Variants in FAT3 observed in about 807,000 individuals in gnomAD.
FAT3 encodes the protein protocadherin Fat 3.
Under a neutral mutation model 310.2 loss-of-function variants are expected in FAT3, and 95 were observed. The observed-to-expected ratio is 0.31, with a 90% CI of 0.26 to 0.36. The LOEUF (loss-of-function observed/expected upper bound fraction) is 0.36, where lower values mean the gene tolerates loss of function less well. Ranked by LOEUF, FAT3 falls within the 10% of genes least tolerant of loss-of-function variation. The probability of loss-of-function intolerance (pLI) is 1.00; values close to 1 mark genes in which losing one functional copy is unlikely to be tolerated. For synonymous variants in FAT3, 2,314 were observed against 2,192.9 expected (o/e 1.06, Z -1.54); for missense variants, 5,408 against 5,715.6 (o/e 0.95, Z 1.74).
chr11:92,651,804 T>C (rs1470183532), intron 3 of FAT3, among the ~76,000 whole-genome samples: 1 of 152,198 alleles, frequency 6.6e-6, no homozygotes, highest in Non-Finnish European at 1.5e-5. Flanking sequence ...TGTTAGACCA[T>C]GCCAAAGCTA....
At chr11:92,334,412 T>C (rs749158042) in intron 1 of FAT3, among the ~76,000 whole-genome samples, 4 of 152,116 alleles carry the variant, frequency 2.6e-5, no homozygotes, top group Non-Finnish European at 4.4e-5. Flanking sequence ...ATTTGGTAGA[T>C]CTTTAAAAGT....
At chr11:92,590,362 C>A (rs1490890685) in intron 3 of FAT3, among the ~76,000 whole-genome samples, 1 of 152,006 alleles carries the variant, frequency 6.6e-6, no homozygotes, top group Non-Finnish European at 1.5e-5. Context: ...AAGGGCTGAG[C>A]TACAGAGATG....
intron 2 of FAT3, among the ~76,000 whole-genome samples, chr11:92,472,786 A>G (rs2135156440): frequency 6.6e-6 from 1 of 152,280 alleles, no homozygotes; most frequent in South Asian, 2.1e-4. Context: ...TATCCAGCTT[A>G]TTAGTATCCT....
At chr11:92,890,253 G>A (rs566057926) in intron 27 of FAT3, among the ~76,000 whole-genome samples, 19 of 152,290 alleles carry the variant, frequency 1.2e-4, no homozygotes, top group African/African-American at 4.6e-4. Flanking sequence ...CTCGCTCTTC[G>A]TCTCATGGCA....
At chr11:92,580,269 A>G (rs542728494) in intron 3 of FAT3, among the ~76,000 whole-genome samples, 85 of 152,184 alleles carry the variant, frequency 5.6e-4, no homozygotes, top group African/African-American at 1.9e-3. Context: ...AGATGCCTCA[A>G]TATATCCTGG....
chr11:92,683,364 AAGGTCTCCTG>A lies in FAT3; in HGVS notation c.3608-14015_3608-14006del, dbSNP rs1458024334. On this transcript the variant is annotated intron_variant, in intron 3 of 27. Transcript: ENST00000525166. ...AAAACAAAATTCTAGGGTTTCCCCT[AAGGTCTCCTG>A]AGGTAACTTGGGGTTGGGACCAGGG... Among the ~76,000 whole-genome samples the A allele has an allele frequency of 2.0e-5, 3 of 152,316 alleles. No individual in the cohort carries two copies. In the East Asian group the frequency reaches 5.8e-4, roughly 29 times the overall value.
At position 92,551,414 on chromosome 11, in the gene FAT3, T is replaced by TTTTGTGTGTGTG. The variant is rs139398937; in HGVS notation, c.3607+26467_3607+26468insTTGTGTGTGTGT. Among the ~76,000 whole-genome samples the TTTTGTGTGTGTG allele has an allele frequency of 6.4e-3, 831 of 128,958 alleles. 10 individuals carry two copies. Among genetic ancestry groups the TTTTGTGTGTGTG allele is most frequent in the African/African-American group, 0.021 (733 of 34,664 alleles). The allele number at this position is 128,958 out of a possible 152,430, so 84.6% of individuals were successfully genotyped here. A position where few individuals can be genotyped will look rare whatever the true frequency, so the allele number is the denominator to read the frequency against. ...ATCTTGGTCCCATGTTTTTTTTGTT[T>TTTTGTGTGTGTG]TGTGTGTGTGTGTGTGTGTGTGTGT... On this transcript the variant is annotated intron_variant, in intron 3 of 27. Coordinates refer to ENST00000525166, the MANE Select transcript of FAT3 (RefSeq NM_001367949.2).
At chr11:92,398,500 C>CAAA (rs35977408) in intron 2 of FAT3, among the ~76,000 whole-genome samples, 33 of 80,688 alleles carry the variant, frequency 4.1e-4, no homozygotes, top group Non-Finnish European at 5.6e-4. Context: ...AACTCCGTCC[C>CAAA]AAAAAAAAAA....
intron 3 of FAT3, among the ~76,000 whole-genome samples, chr11:92,628,877 C>T (rs140926955): frequency 3.9e-5 from 6 of 152,298 alleles, no homozygotes; most frequent in African/African-American, 1.4e-4. Context: ...CGTGTGTGCA[C>T]AGGCACACGT....
At chr11:92,567,612 A>G (rs1618675) in intron 3 of FAT3, among the ~76,000 whole-genome samples, 3 of 151,152 alleles carry the variant, frequency 2.0e-5, no homozygotes, top group Non-Finnish European at 4.4e-5. Context: ...CACTATTCAC[A>G]ATAGCAAAGA....
intron 9 of FAT3, among the ~76,000 whole-genome samples, chr11:92,797,214 T>C (rs1947200063): frequency 6.6e-6 from 1 of 152,208 alleles, no homozygotes; most frequent in African/African-American, 2.4e-5. Context: ...AGGCAAATAA[T>C]GACTTGCCAA....
At chr11:92,398,311 G>T (rs1320192844) in intron 2 of FAT3, among the ~76,000 whole-genome samples, 1 of 151,826 alleles carries the variant, frequency 6.6e-6, no homozygotes, top group Non-Finnish European at 1.5e-5. Flanking sequence ...GACCAGCCTG[G>T]CCAACATGGC....
rs750752165 is a variant in FAT3, at chr11:92,352,819, G to A, written c.707G>A (p.Arg236Gln). 1.4e-5 allele frequency: 22 copies of A among 1,613,750 alleles called. No individual in the cohort carries two copies. Among genetic ancestry groups the A allele is most frequent in the Middle Eastern group, 1.6e-4 (1 of 6,084 alleles). ...RYDLEILAVD[R>Q]GMKLYGNNGV... Reference sequence around the variant, plus strand: ...GATCTGGAAATTTTGGCTGTGGACCGGGGAATGAAACTGTATGGGAACAAT... The same window carrying A: ...GATCTGGAAATTTTGGCTGTGGACCAGGGAATGAAACTGTATGGGAACAAT... The change falls in exon 2 of 28, where the codon CGG becomes CAG. Residue 236 changes from arginine to glutamine, a missense_variant. Physicochemically the swap from Arg to Gln is conservative, Grantham distance 43. Around this residue, in one of 5 missense-constraint regions of FAT3, gnomAD observed 4,588 missense variants for 4,809.8 expected, o/e 0.95. Transcript: ENST00000525166.
At chr11:92,577,649 C>G (rs1222752056) in intron 3 of FAT3, among the ~76,000 whole-genome samples, 1 of 151,954 alleles carries the variant, frequency 6.6e-6, no homozygotes, top group Non-Finnish European at 1.5e-5. Flanking sequence ...TGCAGTAAGA[C>G]TTTTAATTTC....
intron 3 of FAT3, among the ~76,000 whole-genome samples, chr11:92,631,859 A>G (rs1214475617): frequency 6.6e-6 from 1 of 152,142 alleles, no homozygotes; most frequent in African/African-American, 2.4e-5. Flanking sequence ...GGGAAAATGG[A>G]GAGCTTCTGT....
chr11:92,320,581 C>T (rs1424715972), intron 1 of FAT3, among the ~76,000 whole-genome samples: 3 of 152,026 alleles, frequency 2.0e-5, no homozygotes, highest in Non-Finnish European at 4.4e-5. Context: ...TAAAGTGGTG[C>T]TTATGGCTGG....
At chr11:92,686,094 T>C (rs1943628386) in intron 3 of FAT3, among the ~76,000 whole-genome samples, 1 of 152,166 alleles carries the variant, frequency 6.6e-6, no homozygotes, top group African/African-American at 2.4e-5. Flanking sequence ...AAAGTTGTAT[T>C]GGTAAATGAT....
At chr11:92,400,817 G>A (rs139221080) in intron 2 of FAT3, 5 of 152,184 alleles carry the variant, frequency 3.3e-5, no homozygotes, top group African/African-American at 1.2e-4. Context: ...ATATTCAAAA[G>A]AGTATATAAT....
intron 3 of FAT3, among the ~76,000 whole-genome samples, chr11:92,598,092 T>A (rs957893109): frequency 6.6e-5 from 10 of 151,846 alleles, no homozygotes; most frequent in African/African-American, 1.7e-4. Context: ...CAGGTGGGTG[T>A]TCACCCAGAA....
Sources: allele counts gnomAD v4.1 joint callset (sites outside exome capture counted in the v4.1 genomes callset), GRCh38; gene constraint gnomAD v4.1.1; regional missense constraint gnomAD v4.1.1; transcripts MANE v1.5; gene names NCBI Gene and HGNC (gene_info 2026-07-23, HGNC 2026-07-21).